VPS41: variants seen among roughly 807,000 people sequenced by gnomAD.
VPS41 encodes VPS41 subunit of HOPS complex, also known as vacuolar protein sorting-associated protein 41 homolog.
VPS41 carries 85 observed loss-of-function variants against 130.9 expected under a neutral mutation model. The ratio of observed to expected loss-of-function variants is 0.65; its 90% CI spans 0.55 to 0.78. The LOEUF (loss-of-function observed/expected upper bound fraction) is 0.78, where lower values mean the gene tolerates loss of function less well. Among genes scored for constraint, VPS41 ranks in the 30% least tolerant of loss-of-function variants. VPS41 has a pLI of 0.00. For synonymous variants in VPS41, 335 were observed against 332.9 expected, an observed-to-expected ratio of 1.01 and a Z score of -0.07; for missense variants, 874 against 1,018.7, an observed-to-expected ratio of 0.86 and a Z score of 1.93.
intron 12 of VPS41, among the ~76,000 whole-genome samples, chr7:38,773,709 TCA>T (rs1234399618): frequency 1.3e-5 from 2 of 152,152 alleles, no homozygotes; most frequent in Non-Finnish European, 2.9e-5. Flanking sequence ...CTCTGAGCAC[TCA>T]GTTACAAACA....
intron 14 of VPS41, 120 bp downstream of exon 14, chr7:38,771,078 A>G: frequency 2.7e-6 from 2 of 740,560 alleles, no homozygotes; most frequent in Admixed American, 2.7e-5. Flanking sequence ...AGGTTAGGGA[A>G]TTAGTTTAAA....
chr7:38,880,254 T>G (rs754756181), intron 2 of VPS41, among the ~76,000 whole-genome samples: 1 of 152,244 alleles, frequency 6.6e-6, no homozygotes, highest in Non-Finnish European at 1.5e-5. Flanking sequence ...TCCTATCACA[T>G]GACCAGACCA....
intron 2 of VPS41, among the ~76,000 whole-genome samples, chr7:38,890,164 T>C (rs7783723): frequency 0.93 from 141,973 of 152,300 alleles, 66,328 homozygotes; most frequent in East Asian, 1. Context: ...AAACGGAGGA[T>C]ACAAACAGAA....
At chr7:38,792,410 T>C (rs1784551250) in intron 9 of VPS41, among the ~76,000 whole-genome samples, 1 of 152,200 alleles carries the variant, frequency 6.6e-6, no homozygotes, top group African/African-American at 2.4e-5. Flanking sequence ...CTAAACATGC[T>C]TTATCAACAG....
intron 10 of VPS41, among the ~76,000 whole-genome samples, chr7:38,782,532 C>T (rs1784370287): frequency 6.6e-6 from 1 of 152,120 alleles, no homozygotes; most frequent in Non-Finnish European, 1.5e-5. Context: ...TATGGGAGGA[C>T]TAGGTAGTTT....
At chr7:38,857,626 T>G (rs1786014143) in intron 4 of VPS41, among the ~76,000 whole-genome samples, 1 of 152,198 alleles carries the variant, frequency 6.6e-6, no homozygotes, top group African/African-American at 2.4e-5. Flanking sequence ...ACTACAGTCA[T>G]GCACTACATA....
intron 9 of VPS41, among the ~76,000 whole-genome samples, chr7:38,794,097 G>A (rs1055702997): frequency 5.9e-5 from 9 of 152,112 alleles, no homozygotes; most frequent in African/African-American, 1.9e-4. Context: ...ATTTCTACAG[G>A]CTAATTTTCC....
intron 7 of VPS41, among the ~76,000 whole-genome samples, chr7:38,817,060 T>A (rs1057139567): frequency 1.3e-5 from 2 of 152,010 alleles, no homozygotes; most frequent in African/African-American, 4.8e-5. Context: ...TCTTATTTTT[T>A]AAATAGCACT....
chr7:38,736,229 G>C (rs1259738768), intron 25 of VPS41, among the ~76,000 whole-genome samples: 1 of 152,310 alleles, frequency 6.6e-6, no homozygotes, highest in African/African-American at 2.4e-5. Flanking sequence ...ACATAGACTA[G>C]TGCCAGACTA....
At chr7:38,840,476 C>T (rs1054626798) in intron 4 of VPS41, among the ~76,000 whole-genome samples, 4 of 152,112 alleles carry the variant, frequency 2.6e-5, no homozygotes, top group Non-Finnish European at 4.4e-5. Context: ...CTCAAGTGAA[C>T]AATCATCGCA....
intron 16 of VPS41, among the ~76,000 whole-genome samples, chr7:38,765,352 G>T (rs1188967722): frequency 6.6e-6 from 1 of 151,778 alleles, no homozygotes; most frequent in African/African-American, 2.4e-5. Context: ...AGAGAGAATT[G>T]GAAAGAGATA....
At chr7:38,809,988 T>C (rs374804221) in intron 7 of VPS41, among the ~76,000 whole-genome samples, 1 of 152,142 alleles carries the variant, frequency 6.6e-6, no homozygotes, top group East Asian at 1.9e-4. Flanking sequence ...TCATTTGCCA[T>C]GCTCCTGTAT....
intron 4 of VPS41, among the ~76,000 whole-genome samples, chr7:38,839,283 A>G (rs1785558714): frequency 6.6e-6 from 1 of 152,236 alleles, no homozygotes; most frequent in African/African-American, 2.4e-5. Context: ...CCAGGAGGGA[A>G]GCAAGACCTC....
intron 4 of VPS41, among the ~76,000 whole-genome samples, chr7:38,858,073 G>T (rs1466337965): frequency 6.6e-6 from 1 of 152,164 alleles, no homozygotes; most frequent in Non-Finnish European, 1.5e-5. Flanking sequence ...TCTTATAGGT[G>T]GCACCCTTAG....
intron 22 of VPS41, 50 bp from the exon 23 acceptor site, chr7:38,745,663 C>T (rs771478314): frequency 7.3e-6 from 10 of 1,370,458 alleles, no homozygotes; most frequent in Non-Finnish European, 1.0e-5. Flanking sequence ...CAAATAAGAA[C>T]AAACAGTAAT....
chr7:38,739,876 A>T (rs115172303), intron 25 of VPS41, among the ~76,000 whole-genome samples: 165 of 152,334 alleles, frequency 1.1e-3, no homozygotes, highest in African/African-American at 3.9e-3. Context: ...TTAAGAAAAA[A>T]TATTTAGTAG....
rs202021223 is a variant in VPS41, at chr7:38,771,277, A to AT, written c.1129-24dup. Reference sequence around the variant, plus strand: ...TTCCTTTATTCCAAACATAAGGATGATTTAAAAAAAAAAAAAAGCAGAAAA... The same window carrying AT: ...TTCCTTTATTCCAAACATAAGGATGATTTTAAAAAAAAAAAAAAGCAGAAAA... On this transcript the variant is annotated intron_variant, in intron 13 of 28. Coordinates refer to ENST00000310301, the MANE Select transcript of VPS41 (RefSeq NM_014396.4). 56 of 1,412,438 alleles carry AT rather than the reference A, an allele frequency of 4.0e-5. No homozygotes were observed. In the East Asian group the frequency reaches 5.1e-4, roughly 13 times the overall value. The allele number at this position is 1,412,438 out of a possible 1,614,324, so 87.5% of individuals were successfully genotyped here. A position where few individuals can be genotyped will look rare whatever the true frequency, so the allele number is the denominator to read the frequency against.
At position 38,833,081 on chromosome 7, in the gene VPS41, T is replaced by C. The variant is rs553681698; in HGVS notation, c.247-2753A>G. 3.9e-5 allele frequency among the ~76,000 whole-genome samples: 6 copies of C among 152,338 alleles called. No individual in the cohort carries two copies. The East Asian group carries it at 1.2e-3, about 29-fold the overall frequency. ...CTGGGTAAAAACTTTCAAGCTACTT[T>C]TGATTCCTGTCTTTATGTCCACTCT... On this transcript the variant is annotated intron_variant, in intron 4 of 28. Coordinates refer to ENST00000310301, the MANE Select transcript of VPS41 (RefSeq NM_014396.4).
At chr7:38,872,145 A>T (rs1266583137) in intron 2 of VPS41, among the ~76,000 whole-genome samples, 1 of 152,206 alleles carries the variant, frequency 6.6e-6, no homozygotes, top group Admixed American at 6.5e-5. Flanking sequence ...TGCTTCCAAG[A>T]TGGCTCAATC....
Sources: gnomAD v4.1 joint callset for allele counts (sites outside exome capture counted in the v4.1 genomes callset) on GRCh38, gnomAD v4.1.1 for gene constraint, MANE v1.5 for transcripts, NCBI Gene and HGNC (gene_info 2026-07-23, HGNC 2026-07-21) for gene names.